Variants in ARHGEF10L observed in about 807,000 individuals in gnomAD.
The protein encoded by ARHGEF10L is rho guanine nucleotide exchange factor 10-like protein.
Under a neutral mutation model 141.2 loss-of-function variants are expected in ARHGEF10L, and 69 were observed. The ratio of observed to expected loss-of-function variants is 0.49; its 90% CI spans 0.40 to 0.60. The LOEUF (loss-of-function observed/expected upper bound fraction) is 0.60. Ranked by LOEUF, ARHGEF10L falls within the 20% of genes least tolerant of loss-of-function variation. ARHGEF10L has a pLI of 0.00. For synonymous variants in ARHGEF10L, 711 were observed against 718.5 expected, an observed-to-expected ratio of 0.99 and a Z score of 0.17; for missense variants, 1,482 against 1,734.3, an observed-to-expected ratio of 0.85 and a Z score of 2.58.
chr1:17,571,315 T>C (rs2077989560), intron 1 of ARHGEF10L, among the ~76,000 whole-genome samples: 1 of 151,702 alleles, frequency 6.6e-6, no homozygotes, highest in African/African-American at 2.4e-5. Flanking sequence ...TCAGAACCGG[T>C]GTAGTGGAGG....
chr1:17,518,655 AGTGG>A, the ARHGEF10L span, among the ~76,000 whole-genome samples: 1 of 151,672 alleles, frequency 6.6e-6, no homozygotes, highest in East Asian at 1.9e-4. Flanking sequence ...AGCTGGGCAT[AGTGG>A]TGCACACCTG....
chr1:17,516,224 G>C, the ARHGEF10L span, among the ~76,000 whole-genome samples: 4,374 of 152,328 alleles, frequency 0.029, 99 homozygotes, highest in Non-Finnish European at 0.044. Flanking sequence ...TCACCTCTTG[G>C]AGTGACCGAC....
chr1:17,691,758 C>T (rs1380724581), intron 27 of ARHGEF10L, among the ~76,000 whole-genome samples: 1 of 151,760 alleles, frequency 6.6e-6, no homozygotes, highest in Non-Finnish European at 1.5e-5. Context: ...TAAAATTGAG[C>T]AAGGCAGGTT....
intron 27 of ARHGEF10L, among the ~76,000 whole-genome samples, chr1:17,689,099 G>C (rs549224140): frequency 2.0e-5 from 3 of 152,118 alleles, no homozygotes; most frequent in Non-Finnish European, 4.4e-5. Context: ...CAGGCCGGGC[G>C]TCTTGCTCGT....
At position 17,697,211 on chromosome 1, in the gene ARHGEF10L, G is replaced by T. The variant is rs528120584; in HGVS notation, c.3671G>T (p.Arg1224Leu). The T allele has an allele frequency of 6.2e-7, 1 of 1,612,058 alleles. No homozygotes were observed. The change falls in exon 29 of 29, where the codon CGG (arginine) becomes CTG (leucine). Residue 1224 changes from arginine (R) to leucine (L), a missense_variant. Physicochemically the swap from Arg to Leu is moderately radical, Grantham distance 102. Around this residue, in one of 3 missense-constraint regions of ARHGEF10L, gnomAD observed 858 missense variants for 966.3 expected, o/e 0.89. Coordinates refer to ENST00000361221, the MANE Select transcript of ARHGEF10L (RefSeq NM_018125.4). This position sits in a 1 kb window ranked among gnomAD's most constrained non-coding sequence, Gnocchi z 4.8. Reference sequence around the variant, plus strand: ...GACCCCGACATCTGGGTGCGCAGCCGGCCCTGCGCCCGCGACGCCCACCGC... The same window carrying T: ...GACCCCGACATCTGGGTGCGCAGCCTGCCCTGCGCCCGCGACGCCCACCGC... ...ADDPDIWVRS[R>L]PCARDAHRKE...
At chr1:17,669,264 A>G (rs888143322) in intron 26 of ARHGEF10L, among the ~76,000 whole-genome samples, 1 of 152,172 alleles carries the variant, frequency 6.6e-6, no homozygotes, top group African/African-American at 2.4e-5. Flanking sequence ...CCCAGGACCA[A>G]ATGTGAAAAC....
intron 1 of ARHGEF10L, among the ~76,000 whole-genome samples, chr1:17,556,646 A>G (rs2077339298): frequency 6.6e-6 from 1 of 152,186 alleles, no homozygotes; most frequent in Non-Finnish European, 1.5e-5. Context: ...CTGGGAACTG[A>G]GAGCTAGTAA....
rs993763441 is a variant in ARHGEF10L, at chr1:17,624,466, C to T, written c.1280C>T (p.Ala427Val). Residue 427 changes from alanine (A) to valine (V), a missense_variant, in exon 13 of 29, where the codon GCC (alanine) becomes GTC (valine). Ala to Val is a moderately conservative substitution (Grantham distance 64). Around this residue, in one of 3 missense-constraint regions of ARHGEF10L, gnomAD observed 392 missense variants for 542.1 expected, o/e 0.72. Transcript: ENST00000361221. ...AGTGCCATGTCCATCATCAAGAAGG[C>T]CTGCCTCACCAAGCCTGCCTTCCTC... The part of the protein sequence containing the change: ...FTSAMSIIKK[A>V]CLTKPAFLEF... 1.2e-6 allele frequency: 2 copies of T among 1,614,238 alleles called. No individual in the cohort carries two copies. Among genetic ancestry groups the T allele is most frequent in the Non-Finnish European group, 1.7e-6 (2 of 1,180,044 alleles).
chr1:17,648,745 G>T (rs530725405), intron 22 of ARHGEF10L, 70 bp downstream of exon 22: 4 of 1,574,042 alleles, frequency 2.5e-6, no homozygotes, highest in Non-Finnish European at 2.6e-6. Context: ...GGGAGAACCA[G>T]AGTTTCCAGG....
At chr1:17,636,745 G>T (rs1472658654) in intron 18 of ARHGEF10L, among the ~76,000 whole-genome samples, 1 of 152,084 alleles carries the variant, frequency 6.6e-6, no homozygotes, top group African/African-American at 2.4e-5. Flanking sequence ...GCAGAGTGTG[G>T]CTTTAAACTC....
the ARHGEF10L span, among the ~76,000 whole-genome samples, chr1:17,516,066 G>C: frequency 6.6e-6 from 1 of 152,248 alleles, no homozygotes. Context: ...TACTGTCTCA[G>C]TGACTAAGTG....
chr1:17,529,981 T>G, the ARHGEF10L span, among the ~76,000 whole-genome samples: 393 of 152,014 alleles, frequency 2.6e-3, 4 homozygotes, highest in African/African-American at 8.9e-3. Context: ...TACAGGCGCC[T>G]GCCACCATGC....
At chr1:17,613,036 G>A in intron 7 of ARHGEF10L, 22 bp from the exon 8 acceptor site, 2 of 1,571,836 alleles carry the variant, frequency 1.3e-6, no homozygotes, top group Non-Finnish European at 1.8e-6. Context: ...CTTTCCTTCT[G>A]CCTGGCCGCT....
chr1:17,663,409 T>C (rs2062758927), intron 25 of ARHGEF10L, among the ~76,000 whole-genome samples: 1 of 151,944 alleles, frequency 6.6e-6, no homozygotes, highest in South Asian at 2.1e-4. Context: ...AAAAATTAAC[T>C]GGGTGTGGTG....
chr1:17,539,530 T>G (rs915713296), upstream of ARHGEF10L, among the ~76,000 whole-genome samples: 53 of 151,514 alleles, frequency 3.5e-4, no homozygotes, highest in African/African-American at 1.2e-3. The surrounding 1 kb of genome is among the most constrained non-coding windows in gnomAD (Gnocchi z 6.0). Context: ...GGGGGGCCGG[T>G]GGGCTGCCGG....
At chr1:17,575,735 G>A (rs2078194544) in intron 1 of ARHGEF10L, among the ~76,000 whole-genome samples, 1 of 152,210 alleles carries the variant, frequency 6.6e-6, no homozygotes, top group South Asian at 2.1e-4. Flanking sequence ...GAGGTGGCAG[G>A]TGGGTTGGCC....
At chr1:17,569,521 C>G (rs1268949398) in intron 1 of ARHGEF10L, among the ~76,000 whole-genome samples, 1 of 152,226 alleles carries the variant, frequency 6.6e-6, no homozygotes, top group Non-Finnish European at 1.5e-5. Context: ...AAGGCTGTTT[C>G]TTTCCTGCCC....
intron 13 of ARHGEF10L, among the ~76,000 whole-genome samples, chr1:17,624,933 G>C (rs545582244): frequency 6.6e-6 from 1 of 152,302 alleles, no homozygotes; most frequent in East Asian, 1.9e-4. Context: ...AAGGTTAAAG[G>C]CTTCGAAAAG....
At chr1:17,660,794 C>T (rs1468496428) in intron 25 of ARHGEF10L, among the ~76,000 whole-genome samples, 4 of 152,118 alleles carry the variant, frequency 2.6e-5, no homozygotes, top group African/African-American at 4.8e-5. Context: ...CAGGCTTGTG[C>T]GTGTGGGTCT....
Sources: gnomAD v4.1 joint callset for allele counts (sites outside exome capture counted in the v4.1 genomes callset) on GRCh38, gnomAD v4.1.1 for gene constraint, gnomAD v4.1.1 regional missense constraint, Gnocchi (gnomAD v3.1) non-coding constraint, MANE v1.5 for transcripts, NCBI Gene and HGNC (gene_info 2026-07-23, HGNC 2026-07-21) for gene names.